The following PLD1 variants were observed in gnomAD, a reference collection of about 807,000 sequenced individuals.
PLD1 encodes choline phosphatase 1.
In PLD1, 112 loss-of-function variants were observed where a neutral mutation model predicts 137.1. The ratio of observed to expected loss-of-function variants is 0.82; its 90% CI spans 0.70 to 0.96. PLD1 has a LOEUF of 0.96. PLD1 is among the 40% of genes least tolerant of loss of function. The pLI is 0.00. For missense variants in PLD1, 1,321 were observed against 1,342.0 expected, an observed-to-expected ratio of 0.98 and a Z score of 0.24; for synonymous variants, 431 against 454.7, an observed-to-expected ratio of 0.95 and a Z score of 0.66.
chr3:171,625,921 C>T (rs909521735), intron 23 of PLD1, among the ~76,000 whole-genome samples: 12 of 152,040 alleles, frequency 7.9e-5, no homozygotes, highest in East Asian at 1.9e-4. Flanking sequence ...GCAGAAAAAC[C>T]GGAAACTCTA....
At chr3:171,610,569 CA>C in intron 25 of PLD1, among the ~76,000 whole-genome samples, 1 of 152,220 alleles carries the variant, frequency 6.6e-6, no homozygotes, top group African/African-American at 2.4e-5. Context: ...AATTATTACA[CA>C]TTTAAAAAGT....
chr3:171,645,811 G>C (rs373489501), intron 21 of PLD1, among the ~76,000 whole-genome samples: 58 of 151,202 alleles, frequency 3.8e-4, no homozygotes, highest in African/African-American at 1.4e-3. Flanking sequence ...GTGAACCCGG[G>C]TGGCGGAGCT....
At chr3:171,794,620 G>A (rs1488506997) in intron 1 of PLD1, among the ~76,000 whole-genome samples, 1 of 151,924 alleles carries the variant, frequency 6.6e-6, no homozygotes, top group Non-Finnish European at 1.5e-5. Context: ...TTAATAAAAT[G>A]CCTGGTGCTT....
chr3:171,634,642 C>T (rs1734948855), intron 23 of PLD1, among the ~76,000 whole-genome samples: 1 of 152,094 alleles, frequency 6.6e-6, no homozygotes, highest in African/African-American at 2.4e-5. Flanking sequence ...ACTGAACACA[C>T]AACACCAATA....
At chr3:171,772,508 A>G (rs1722412441) in intron 1 of PLD1, among the ~76,000 whole-genome samples, 1 of 151,742 alleles carries the variant, frequency 6.6e-6, no homozygotes, top group South Asian at 2.1e-4. Context: ...CCCTCTACCC[A>G]CTCCCAGGTC....
intron 5 of PLD1, among the ~76,000 whole-genome samples, chr3:171,734,614 A>G (rs888237967): frequency 6.6e-6 from 1 of 152,162 alleles, no homozygotes; most frequent in East Asian, 1.9e-4. Context: ...AGGAGATTCT[A>G]GCAGGGAGAA....
chr3:171,803,117 G>A (rs372387915), intron 1 of PLD1, among the ~76,000 whole-genome samples: 5 of 152,346 alleles, frequency 3.3e-5, no homozygotes, highest in African/African-American at 9.6e-5. Context: ...TGATGGAGAA[G>A]GAGGGAAGGC....
At position 171,686,726 on chromosome 3, in the gene PLD1, G is replaced by A. The variant is rs371395461; in HGVS notation, c.1826C>T (p.Pro609Leu). The change falls in exon 16 of 27, where the codon CCG (proline) becomes CTG (leucine). Residue 609 changes from proline to leucine, a missense_variant. By Grantham distance (98) the Pro-to-Leu change is moderately conservative. Transcript: ENST00000351298. ...GAGTCCTTGCTCAGACTCACTGGAC[G>A]GGTGAAAGAGTTTGAAGTGGGGTTT... ...GLKPHFKLFHPSSESEQGLTR... is the reference protein window; with the variant it reads ...GLKPHFKLFHLSSESEQGLTR... 1.7e-5 allele frequency: 27 copies of A among 1,608,906 alleles called. No individual in the cohort carries two copies. Among genetic ancestry groups the A allele is most frequent in the Middle Eastern group, 1.6e-4 (1 of 6,070 alleles).
chr3:171,623,216 G>C (rs980848442), intron 23 of PLD1, among the ~76,000 whole-genome samples: 14 of 151,926 alleles, frequency 9.2e-5, no homozygotes, highest in Non-Finnish European at 2.1e-4. Flanking sequence ...AGTTCTCATG[G>C]AGTTAGATAA....
Position 171,677,186 on chromosome 3 carries a change from T to C in PLD1, c.1997-353A>G, listed in dbSNP as rs117725018. On this transcript the variant is annotated intron_variant, in intron 17 of 26. Coordinates refer to ENST00000351298, the MANE Select transcript of PLD1 (RefSeq NM_002662.5). ...CAGGCAATGCCATCTCTATCTCCTCTTAAACATATAAACCCAGTGATAACC... is the reference window on the plus strand; with the variant it reads ...CAGGCAATGCCATCTCTATCTCCTCCTAAACATATAAACCCAGTGATAACC... Among the ~76,000 whole-genome samples the C allele has an allele frequency of 3.7e-4, 56 of 152,332 alleles. 1 individual carries two copies. In the East Asian group the frequency reaches 9.6e-3, roughly 26 times the overall value.
chr3:171,645,353 G>A (rs1736116506), intron 21 of PLD1, among the ~76,000 whole-genome samples: 1 of 152,150 alleles, frequency 6.6e-6, no homozygotes, highest in Non-Finnish European at 1.5e-5. Flanking sequence ...GGCGGGTAGG[G>A]GAGGCTATAA....
At chr3:171,684,106 C>T (rs1024624161) in intron 16 of PLD1, among the ~76,000 whole-genome samples, 2 of 152,186 alleles carry the variant, frequency 1.3e-5, no homozygotes, top group African/African-American at 2.4e-5. Flanking sequence ...CAACACCATA[C>T]ACATGTATGA....
intron 1 of PLD1, among the ~76,000 whole-genome samples, chr3:171,804,383 C>T (rs1368023150): frequency 3.3e-5 from 5 of 152,156 alleles, no homozygotes; most frequent in Admixed American, 6.5e-5. Context: ...ATAAGTAAAA[C>T]GTTAATTATA....
Position 171,688,879 on chromosome 3 carries a change from TG to T in PLD1, c.1339-4del, listed in dbSNP as rs757724586. ...ACATGATCCGGGTGTCTCATCACCT[TG>T]AGAGGGAATAATCCCCACTGATAAT... is the stretch of plus-strand genomic sequence containing the variant. On this transcript the variant is annotated splice_region_variant and splice_polypyrimidine_tract_variant and intron_variant, in intron 13 of 26. Transcript: ENST00000351298. 1 of 1,609,426 alleles carries T rather than the reference TG, an allele frequency of 6.2e-7. No homozygotes were observed. Among genetic ancestry groups the T allele is most frequent in the South Asian group, 1.1e-5 (1 of 90,918 alleles).
chr3:171,791,956 C>T (rs1224471319), intron 1 of PLD1: 2 of 152,890 alleles, frequency 1.3e-5, no homozygotes, highest in South Asian at 2.1e-4. Context: ...AGTTCCGGAA[C>T]ATTCCTCTCT....
Position 171,738,027 on chromosome 3 carries a change from C to G in PLD1, c.25G>C (p.Val9Leu). 1 of 1,613,238 alleles carries G rather than the reference C, an allele frequency of 6.2e-7. No homozygotes were observed. The highest frequency in any genetic ancestry group is 8.5e-7 in the Non-Finnish European group (1 of 1,179,722). MSLKNEPR[V>L]NTSALQKIAA... ...ATTTTCTGCAGTGCAGAGGTATTTA[C>G]CCGTGGCTCGTTTTTCAGTGACATG... Residue 9 changes from valine (V) to leucine (L), a missense_variant, in exon 2 of 27, where the codon GTA becomes CTA. By Grantham distance (32) the Val-to-Leu change is conservative. Coordinates refer to ENST00000351298, the MANE Select transcript of PLD1 (RefSeq NM_002662.5).
chr3:171,656,156 T>TTTTATTAATTTATTTATTTATTTA (rs1737177294), intron 21 of PLD1, among the ~76,000 whole-genome samples: 1 of 145,360 alleles, frequency 6.9e-6, no homozygotes, highest in Admixed American at 6.8e-5. Flanking sequence ...AATACTATAA[T>TTTTATTAATTTATTTATTTATTTA]TTTATTTATT....
At chr3:171,609,732 C>T (rs535646151) in intron 25 of PLD1, among the ~76,000 whole-genome samples, 5 of 152,066 alleles carry the variant, frequency 3.3e-5, no homozygotes, top group African/African-American at 7.2e-5. Context: ...GAATAACTGA[C>T]GTTGGAGACT....
chr3:171,727,609 G>T, intron 6 of PLD1, among the ~76,000 whole-genome samples: 1 of 152,086 alleles, frequency 6.6e-6, no homozygotes, highest in Middle Eastern at 3.2e-3. Flanking sequence ...ACCAGATATG[G>T]AAAACACTAC....
Sources: gnomAD v4.1 joint callset for allele counts (sites outside exome capture counted in the v4.1 genomes callset) on GRCh38, gnomAD v4.1.1 for gene constraint, MANE v1.5 for transcripts, NCBI Gene and HGNC (gene_info 2026-07-23, HGNC 2026-07-21) for gene names.